PLXNA4: variants seen among roughly 807,000 people sequenced by gnomAD.
The protein encoded by PLXNA4 is plexin-A4.
In PLXNA4, 44 loss-of-function variants were observed where a neutral mutation model predicts 191.8. The observed-to-expected ratio is 0.23, with a 90% confidence interval of 0.18 to 0.29. The LOEUF (loss-of-function observed/expected upper bound fraction) is 0.29, where lower values mean the gene tolerates loss of function less well. Ranked by LOEUF, PLXNA4 falls within the 10% of genes least tolerant of loss-of-function variation. The pLI is 1.00. For missense variants in PLXNA4, 1,800 were observed against 2,488.8 expected, an observed-to-expected ratio of 0.72 and a Z score of 5.89; for synonymous variants, 1,082 against 1,009.5, an observed-to-expected ratio of 1.07 and a Z score of -1.36.
upstream of PLXNA4, among the ~76,000 whole-genome samples, chr7:132,580,404 G>A (rs995109851): frequency 1.3e-5 from 2 of 152,090 alleles, no homozygotes; most frequent in African/African-American, 4.8e-5. Flanking sequence ...GACCATCTAG[G>A]TGTCCCCTAC....
At chr7:132,587,251 C>T (rs547349641) in intron 2 of PLXNA4, among the ~76,000 whole-genome samples, 1 of 152,288 alleles carries the variant, frequency 6.6e-6, no homozygotes, top group East Asian at 1.9e-4. Context: ...AACATAACAG[C>T]TTCAAATATT....
chr7:132,205,811 G>A (rs1269660569), intron 10 of PLXNA4, among the ~76,000 whole-genome samples: 1 of 152,160 alleles, frequency 6.6e-6, no homozygotes, highest in Non-Finnish European at 1.5e-5. Context: ...TCAGGCCTAG[G>A]TCTGGCCAAG....
At chr7:132,430,831 G>T (rs1224524240) in intron 3 of PLXNA4, among the ~76,000 whole-genome samples, 1 of 152,218 alleles carries the variant, frequency 6.6e-6, no homozygotes, top group Non-Finnish European at 1.5e-5. Context: ...TGGTGGCAGA[G>T]TACATAAGGA....
intron 3 of PLXNA4, among the ~76,000 whole-genome samples, chr7:132,475,817 T>A (rs1797105380): frequency 6.6e-6 from 1 of 152,184 alleles, no homozygotes; most frequent in South Asian, 2.1e-4. Flanking sequence ...GAAGCCACTC[T>A]GGTGGTTGAG....
intron 4 of PLXNA4, among the ~76,000 whole-genome samples, chr7:132,285,136 G>T (rs1191309747): frequency 3.9e-5 from 6 of 152,212 alleles, no homozygotes; most frequent in Non-Finnish European, 8.8e-5. Flanking sequence ...AATGAGCTAA[G>T]AATTTTATGT....
chr7:132,563,931 CTCG>C (rs1287899483), intron 1 of PLXNA4, among the ~76,000 whole-genome samples: 1 of 118,318 alleles, frequency 8.5e-6, no homozygotes, highest in Non-Finnish European at 1.8e-5. Context: ...CCTCCTTTTC[CTCG>C]TCCTCCTCCT....
chr7:132,514,197 G>A (rs917258124), intron 1 of PLXNA4, among the ~76,000 whole-genome samples: 4 of 151,752 alleles, frequency 2.6e-5, no homozygotes, highest in South Asian at 2.1e-4. Context: ...GACTACAGGC[G>A]CCCGCCACCA....
rs138576612 is a variant in PLXNA4, at chr7:132,217,897, C to CT, written c.2097+5629dup. ...GGAGCGTGTTCTGTAGCTGGATTTG[C>CT]TTTTTTTTTTTTTTTTTTTTTTTTT... is the stretch of plus-strand genomic sequence containing the variant. On this transcript the variant is annotated intron_variant, in intron 9 of 31. Transcript: ENST00000321063. Among the ~76,000 whole-genome samples, 381 of 43,430 alleles carry CT rather than the reference C, an allele frequency of 8.8e-3. 49 individuals carry two copies. Among genetic ancestry groups the CT allele is most frequent in the African/African-American group, 0.023 (189 of 8,096 alleles). The allele number at this position is 43,430 out of a possible 152,430, so 28.5% of individuals were successfully genotyped here. A position where few individuals can be genotyped will look rare whatever the true frequency, so the allele number is the denominator to read the frequency against.
intron 3 of PLXNA4, among the ~76,000 whole-genome samples, chr7:132,419,842 G>T (rs896909732): frequency 1.3e-5 from 2 of 152,204 alleles, no homozygotes; most frequent in African/African-American, 4.8e-5. Context: ...ATGTGGCTGT[G>T]TTCCAACACA....
chr7:132,209,617 C>T (rs1174950284), intron 10 of PLXNA4, among the ~76,000 whole-genome samples: 2 of 152,222 alleles, frequency 1.3e-5, no homozygotes, highest in African/African-American at 4.8e-5. Flanking sequence ...GAGCAGTGAC[C>T]AGTTCTATCC....
intron 3 of PLXNA4, among the ~76,000 whole-genome samples, chr7:132,411,230 A>C (rs1429997340): frequency 6.6e-6 from 1 of 152,150 alleles, no homozygotes; most frequent in Non-Finnish European, 1.5e-5. Context: ...ATGAAAGCCC[A>C]AGTTCTCTTG....
Position 132,203,366 on chromosome 7 carries a change from C to T in PLXNA4, c.2352G>A (p.Val784=). ...INNLPVELTV[V]WNGHFNIDNP... is the part of the protein sequence containing the mutation. The stretch of plus-strand genomic sequence containing the variant: ...TGTCAATGTTGAAGTGCCCATTCCA[C>T]ACGACTGTCAACTCCACGGGCAGGT... Residue 784 remains valine (V), a synonymous_variant, in exon 11 of 32, where the codon GTG becomes GTA. Coordinates refer to ENST00000321063, the MANE Select transcript of PLXNA4 (RefSeq NM_020911.2). 1 of 1,614,152 alleles carries T rather than the reference C, an allele frequency of 6.2e-7. No individual in the cohort carries two copies. The highest frequency in any genetic ancestry group is 8.5e-7 in the Non-Finnish European group (1 of 1,180,024).
At chr7:132,512,948 C>A in intron 1 of PLXNA4, among the ~76,000 whole-genome samples, 1 of 152,168 alleles carries the variant, frequency 6.6e-6, no homozygotes, top group East Asian at 1.9e-4. Context: ...AGTAATGGGA[C>A]CAAATAACCT....
chr7:132,355,201 G>T (rs1338855672), intron 3 of PLXNA4, among the ~76,000 whole-genome samples: 2 of 152,176 alleles, frequency 1.3e-5, no homozygotes, highest in Non-Finnish European at 2.9e-5. Flanking sequence ...TCAGTGGTGA[G>T]TTACCGCAGG....
intron 1 of PLXNA4, among the ~76,000 whole-genome samples, chr7:132,522,978 G>T (rs1585269814): frequency 6.6e-6 from 1 of 152,012 alleles, no homozygotes; most frequent in Admixed American, 6.5e-5. Flanking sequence ...TCAAGGAGGT[G>T]GCACCATTGG....
intron 1 of PLXNA4, among the ~76,000 whole-genome samples, chr7:132,530,817 A>G (rs1481756151): frequency 6.6e-6 from 1 of 152,260 alleles, no homozygotes; most frequent in African/African-American, 2.4e-5. Context: ...GAGTTAAAAG[A>G]TAGAAACAAC....
At chr7:132,488,378 A>C (rs1477863470) in intron 3 of PLXNA4, among the ~76,000 whole-genome samples, 1 of 152,252 alleles carries the variant, frequency 6.6e-6, no homozygotes, top group Non-Finnish European at 1.5e-5. Context: ...TGGAGGGATT[A>C]AGGCTTAGTC....
At chr7:132,443,301 C>G (rs1795766414) in intron 3 of PLXNA4, among the ~76,000 whole-genome samples, 1 of 152,346 alleles carries the variant, frequency 6.6e-6, no homozygotes, top group South Asian at 2.1e-4. Context: ...TGTGGGGGAA[C>G]TTTCCCGGCT....
chr7:132,231,154 G>A (rs1275594464), intron 5 of PLXNA4, among the ~76,000 whole-genome samples: 1 of 152,180 alleles, frequency 6.6e-6, no homozygotes. Flanking sequence ...ATAATCTTGG[G>A]CAAATTACTT....
Sources: gnomAD v4.1 joint callset for allele counts (sites outside exome capture counted in the v4.1 genomes callset) on GRCh38, gnomAD v4.1.1 for gene constraint, MANE v1.5 for transcripts, NCBI Gene and HGNC (gene_info 2026-07-23, HGNC 2026-07-21) for gene names.